Variants in ADAMTS17 observed in about 807,000 individuals in gnomAD.
ADAMTS17 encodes the protein ADAM metallopeptidase with thrombospondin type 1 motif 17.
A neutral mutation model predicts 141.5 loss-of-function variants in ADAMTS17; 113 were observed. That is an observed-to-expected ratio of 0.80 (90% CI 0.69 to 0.93). ADAMTS17 has a LOEUF of 0.93. Ranked by LOEUF, ADAMTS17 falls within the 40% of genes least tolerant of loss-of-function variation. The probability of loss-of-function intolerance (pLI) is 0.00; values close to 1 mark genes in which losing one functional copy is unlikely to be tolerated. For synonymous variants in ADAMTS17, 768 were observed against 630.6 expected, an observed-to-expected ratio of 1.22 and a Z score of -3.27; for missense variants, 1,659 against 1,517.9, an observed-to-expected ratio of 1.09 and a Z score of -1.54.
intron 3 of ADAMTS17, among the ~76,000 whole-genome samples, chr15:100,319,665 G>A (rs531965868): frequency 1.5e-4 from 23 of 152,182 alleles, no homozygotes; most frequent in African/African-American, 4.6e-4. Context: ...AGTCAAGACC[G>A]TACCACTGCA....
intron 6 of ADAMTS17, chr15:100,257,061 G>A (rs1344125034): frequency 4.6e-5 from 7 of 152,264 alleles, no homozygotes; most frequent in Non-Finnish European, 7.3e-5. Context: ...TACACTGTCC[G>A]GCTTGACCAC....
At chr15:100,160,026 C>G (rs985137623) in intron 8 of ADAMTS17, among the ~76,000 whole-genome samples, 4 of 150,794 alleles carry the variant, frequency 2.7e-5, no homozygotes, top group Admixed American at 6.7e-5. Context: ...TCAAATACCC[C>G]ACTCAGAAAA....
At chr15:100,008,062 G>C (rs557936408) in intron 18 of ADAMTS17, among the ~76,000 whole-genome samples, 1 of 151,460 alleles carries the variant, frequency 6.6e-6, no homozygotes, top group South Asian at 2.1e-4. Flanking sequence ...AGCAGGGAAA[G>C]GCTGCTGGCC....
At chr15:100,084,929 G>A (rs1457757451) in intron 15 of ADAMTS17, among the ~76,000 whole-genome samples, 4 of 152,202 alleles carry the variant, frequency 2.6e-5, no homozygotes, top group South Asian at 2.1e-4. Context: ...GCTAAAAATC[G>A]GAGCGCCTCT....
At chr15:100,248,273 T>G (rs773472269) in intron 7 of ADAMTS17, among the ~76,000 whole-genome samples, 1 of 152,154 alleles carries the variant, frequency 6.6e-6, no homozygotes, top group Non-Finnish European at 1.5e-5. Flanking sequence ...TGATTTAGGC[T>G]GGCACAAAAA....
At chr15:100,131,795 T>G (rs1274204614) in intron 12 of ADAMTS17, among the ~76,000 whole-genome samples, 1 of 152,228 alleles carries the variant, frequency 6.6e-6, no homozygotes, top group African/African-American at 2.4e-5. Context: ...CCCCAGACTC[T>G]ACTGTATCCA....
rs1222938036 is a variant in ADAMTS17, at chr15:99,976,183, C to T, written c.2989G>A (p.Val997Met). The change falls in exon 21 of 22, where the codon GTG (valine) becomes ATG (methionine). Residue 997 changes from valine to methionine, a missense_variant. Physicochemically the swap from Val to Met is conservative, Grantham distance 21. Coordinates refer to ENST00000268070, the MANE Select transcript of ADAMTS17 (RefSeq NM_139057.4). ...CCTGTGACCTTGTGCATGCACTGCA[C>T]CACCCGGGACTGCAGGCCCTTCCCG... ...TCGKGLQSRV[V>M]QCMHKVTGRH... The T allele has an allele frequency of 1.9e-6, 3 of 1,549,538 alleles. No homozygotes were observed. Among genetic ancestry groups the T allele is most frequent in the East Asian group, 4.9e-5 (2 of 40,940 alleles).
intron 4 of ADAMTS17, among the ~76,000 whole-genome samples, chr15:100,276,511 TGGTGGGAG>T (rs1368121569): frequency 1.5e-4 from 3 of 19,562 alleles, no homozygotes; most frequent in African/African-American, 3.7e-4. Flanking sequence ...AGTGGGTGCC[TGGTGGGAG>T]GGTGGGAGGG....
In ADAMTS17 at chr15:100,049,019, G is replaced by A. The variant is rs2054568; in HGVS notation, c.2456-27C>T. The A allele has an allele frequency of 6.3e-5, 101 of 1,614,158 alleles. 1 individual carries two copies. In the South Asian group the frequency reaches 1.0e-3, roughly 16 times the overall value. ...TGGAAACCAAACCACAGGGAGCTGA[G>A]AGACTGTGGCTGCACCCACGTGGAA... On this transcript the variant is annotated intron_variant, in intron 17 of 21. Coordinates refer to ENST00000268070, the MANE Select transcript of ADAMTS17 (RefSeq NM_139057.4).
Position 100,048,934 on chromosome 15 carries a change from C to T in ADAMTS17, c.2514G>A (p.Val838=), listed in dbSNP as rs756389840. 1.2e-6 allele frequency: 2 copies of T among 1,614,158 alleles called. No homozygotes were observed. The highest frequency in any genetic ancestry group is 1.1e-5 in the South Asian group (1 of 91,082). The change falls in exon 18 of 22, where the codon GTG becomes GTA. Residue 838 remains valine (V), a synonymous_variant. Transcript: ENST00000268070. ...TRIVNKTTTL[V]NDSDCPQASR... ...TTGCTTGAGGGCAGTCACTGTCGTTCACCAGAGTTGTGGTCTTGTTGACAA... is the reference window on the plus strand; with the variant it reads ...TTGCTTGAGGGCAGTCACTGTCGTTTACCAGAGTTGTGGTCTTGTTGACAA...
In ADAMTS17 at chr15:100,154,977, G is replaced by A. The variant is rs58090532; in HGVS notation, c.1322+203C>T. 0.03 allele frequency among the ~76,000 whole-genome samples: 4,632 copies of A among 152,284 alleles called. 216 individuals are homozygous for A. Among genetic ancestry groups the A allele is most frequent in the African/African-American group, 0.11 (4,391 of 41,540 alleles). ...GGCAATTACGTAATGATCACCCACT[G>A]TGCGCCCATCGCTGGAGCAGATGCG... On this transcript the variant is annotated intron_variant, in intron 9 of 21. Transcript: ENST00000268070.
intron 8 of ADAMTS17, among the ~76,000 whole-genome samples, chr15:100,197,577 C>T (rs1415354671): frequency 1.3e-5 from 2 of 152,072 alleles, no homozygotes; most frequent in African/African-American, 2.4e-5. Context: ...AAAGAATTGT[C>T]GCCAGTATTT....
intron 8 of ADAMTS17, among the ~76,000 whole-genome samples, chr15:100,175,817 T>A (rs1489980621): frequency 1.3e-5 from 2 of 151,952 alleles, no homozygotes; most frequent in African/African-American, 2.4e-5. Flanking sequence ...GCTTGTTGCT[T>A]GGCAAGATTC....
intron 15 of ADAMTS17, 138 bp downstream of exon 15, chr15:100,096,218 A>G: frequency 6.9e-7 from 1 of 1,446,546 alleles, no homozygotes; most frequent in Non-Finnish European, 9.4e-7. Context: ...CTTTTCAGAA[A>G]TGAAACTGAA....
intron 4 of ADAMTS17, among the ~76,000 whole-genome samples, chr15:100,262,723 T>G (rs1484829897): frequency 6.6e-6 from 1 of 150,572 alleles, no homozygotes; most frequent in African/African-American, 2.4e-5. Flanking sequence ...AAATACAAAT[T>G]CCATTCATAA....
At chr15:100,239,307 A>C (rs1023341339) in intron 7 of ADAMTS17, among the ~76,000 whole-genome samples, 9 of 152,212 alleles carry the variant, frequency 5.9e-5, no homozygotes, top group Non-Finnish European at 1.2e-4. Context: ...AGCAGATGGT[A>C]GCTGTTCTCA....
At chr15:100,203,653 C>A (rs1345007263) in intron 7 of ADAMTS17, among the ~76,000 whole-genome samples, 1 of 152,000 alleles carries the variant, frequency 6.6e-6, no homozygotes, top group South Asian at 2.1e-4. Flanking sequence ...TGCAGTGAGC[C>A]GAGATCGCGC....
chr15:100,234,031 C>G (rs1054424573), intron 7 of ADAMTS17, among the ~76,000 whole-genome samples: 3 of 152,118 alleles, frequency 2.0e-5, no homozygotes, highest in African/African-American at 7.2e-5. Context: ...AACCCTCTGC[C>G]TGTCATGTAA....
At chr15:100,110,591 A>G (rs1015947348) in intron 13 of ADAMTS17, among the ~76,000 whole-genome samples, 8 of 152,150 alleles carry the variant, frequency 5.3e-5, no homozygotes, top group African/African-American at 1.4e-4. Context: ...TTGAACAAAC[A>G]GGTTGAATAG....
Sources: allele counts gnomAD v4.1 joint callset (sites outside exome capture counted in the v4.1 genomes callset), GRCh38; gene constraint gnomAD v4.1.1; transcripts MANE v1.5; gene names NCBI Gene and HGNC (gene_info 2026-07-23, HGNC 2026-07-21).